The following SLC25A26 variants were observed in gnomAD, a reference collection of about 807,000 sequenced individuals.
The protein encoded by SLC25A26 is mitochondrial S-adenosylmethionine carrier protein.
SLC25A26 carries 36 observed loss-of-function variants against 37.8 expected under a neutral mutation model. The ratio of observed to expected loss-of-function variants is 0.95; its 90% CI spans 0.73 to 1.26. The LOEUF is 1.26. Among genes scored for constraint, SLC25A26 ranks in the 50% most tolerant of loss-of-function variants. The pLI, the probability that SLC25A26 is intolerant of heterozygous loss-of-function variation, is 0.00. For synonymous variants in SLC25A26, 129 were observed against 122.5 expected (o/e 1.05, Z -0.35); for missense variants, 390 against 331.1 (o/e 1.18, Z -1.38).
intron 1 of SLC25A26, among the ~76,000 whole-genome samples, chr3:66,147,515 T>C (rs2070137637): frequency 6.6e-6 from 1 of 151,966 alleles, no homozygotes; most frequent in Non-Finnish European, 1.5e-5. Context: ...TGGTTTTATA[T>C]CTTTGCACTT....
At chr3:66,294,283 G>A (rs1319772618) in intron 5 of SLC25A26, among the ~76,000 whole-genome samples, 1 of 151,940 alleles carries the variant, frequency 6.6e-6, no homozygotes, top group African/African-American at 2.4e-5. Context: ...TCTTTTTGTG[G>A]CAGTTGTGAA....
chr3:66,202,685 T>C (rs1190883296), intron 1 of SLC25A26, among the ~76,000 whole-genome samples: 1 of 129,894 alleles, frequency 7.7e-6, no homozygotes, highest in Non-Finnish European at 1.7e-5. Context: ...CTAATTTCAC[T>C]CCATATGTGA....
chr3:66,150,644 A>G (rs1341712074), intron 1 of SLC25A26, among the ~76,000 whole-genome samples: 1 of 94,378 alleles, frequency 1.1e-5, no homozygotes, highest in African/African-American at 4.3e-5. Flanking sequence ...ATATATATAT[A>G]TATATATATA....
chr3:66,174,828 C>CT (rs1381221253), intron 1 of SLC25A26, among the ~76,000 whole-genome samples: 1 of 150,380 alleles, frequency 6.6e-6, no homozygotes, highest in Non-Finnish European at 1.5e-5. Context: ...AAAAAATGCG[C>CT]TATGAAAAGT....
chr3:66,339,513 A>AT (rs1249497680), intron 5 of SLC25A26, among the ~76,000 whole-genome samples: 1 of 151,470 alleles, frequency 6.6e-6, no homozygotes, highest in Non-Finnish European at 1.5e-5. Flanking sequence ...CAAGGGTTTC[A>AT]TTTTTTTCAT....
intron 1 of SLC25A26, among the ~76,000 whole-genome samples, chr3:66,137,217 CTTTTTTTT>C (rs528438794): frequency 8.4e-6 from 1 of 118,838 alleles, no homozygotes; most frequent in African/African-American, 3.3e-5. Context: ...GATTTTCTTT[CTTTTTTTT>C]TTTTTTTTTT....
At chr3:66,262,219 CTG>C (rs916970911) in intron 4 of SLC25A26, 64 bp downstream of exon 4, 5 of 805,034 alleles carry the variant, frequency 6.2e-6, no homozygotes, top group African/African-American at 1.8e-5. Flanking sequence ...AATACGAACA[CTG>C]TGGATTTCAT....
intron 5 of SLC25A26, among the ~76,000 whole-genome samples, chr3:66,294,344 T>C (rs332348): frequency 0.63 from 95,801 of 151,820 alleles, 30,466 homozygotes; most frequent in East Asian, 0.77. Flanking sequence ...ATAGGAATGC[T>C]AGTGATTTTT....
chr3:66,364,150 A>C (rs2076774706), intron 7 of SLC25A26, among the ~76,000 whole-genome samples: 1 of 152,218 alleles, frequency 6.6e-6, no homozygotes, highest in Admixed American at 6.5e-5. Flanking sequence ...TGTTGAAATA[A>C]GAACATATTC....
At chr3:66,295,728 G>C (rs2074880114) in intron 5 of SLC25A26, among the ~76,000 whole-genome samples, 1 of 151,876 alleles carries the variant, frequency 6.6e-6, no homozygotes, top group Non-Finnish European at 1.5e-5. Flanking sequence ...TTGAACTCCT[G>C]ACCTCGTGAT....
At chr3:66,189,617 G>C (rs2106785427) in intron 1 of SLC25A26, among the ~76,000 whole-genome samples, 1 of 152,140 alleles carries the variant, frequency 6.6e-6, no homozygotes, top group East Asian at 1.9e-4. Context: ...GTGCTTTTGA[G>C]AACTAATTCT....
At chr3:66,376,570 T>C (rs1209304186) in intron 9 of SLC25A26, among the ~76,000 whole-genome samples, 1 of 152,258 alleles carries the variant, frequency 6.6e-6, no homozygotes, top group African/African-American at 2.4e-5. Flanking sequence ...AATTAAGGTA[T>C]GTACAATTTT....
At chr3:66,354,646 A>G (rs2076534924) in intron 6 of SLC25A26, among the ~76,000 whole-genome samples, 1 of 152,230 alleles carries the variant, frequency 6.6e-6, no homozygotes, top group Non-Finnish European at 1.5e-5. Flanking sequence ...TTTTAGTAAT[A>G]TAAACAAGAA....
At chr3:66,298,917 A>G (rs1320073977) in intron 5 of SLC25A26, among the ~76,000 whole-genome samples, 7 of 152,198 alleles carry the variant, frequency 4.6e-5, no homozygotes, top group African/African-American at 1.4e-4. Flanking sequence ...CCAGATCCCA[A>G]GTTACATAGA....
intron 1 of SLC25A26, among the ~76,000 whole-genome samples, chr3:66,174,051 TC>T (rs914631649): frequency 2.5e-4 from 38 of 149,460 alleles, no homozygotes; most frequent in African/African-American, 8.9e-4. Context: ...AGATTCCGTC[TC>T]AAAAAAGAAA....
At chr3:66,175,315 C>T (rs1576612788) in intron 1 of SLC25A26, among the ~76,000 whole-genome samples, 1 of 152,008 alleles carries the variant, frequency 6.6e-6, no homozygotes, top group East Asian at 1.9e-4. Flanking sequence ...ACCTCCATCT[C>T]CCAGGTTCAA....
intron 3 of SLC25A26, among the ~76,000 whole-genome samples, chr3:66,243,628 G>C (rs782442636): frequency 2.0e-5 from 3 of 152,118 alleles, no homozygotes; most frequent in Non-Finnish European, 4.4e-5. Context: ...GTATTGTGTC[G>C]GTACAACTGA....
intron 1 of SLC25A26, among the ~76,000 whole-genome samples, chr3:66,178,307 G>A (rs2070628688): frequency 6.6e-6 from 1 of 152,140 alleles, no homozygotes; most frequent in African/African-American, 2.4e-5. Context: ...AGCCTTCCTG[G>A]CTCATGGAAG....
At chr3:66,246,263 A>G (rs1018720663) in intron 3 of SLC25A26, among the ~76,000 whole-genome samples, 1 of 152,184 alleles carries the variant, frequency 6.6e-6, no homozygotes. Context: ...AGAGCAAGCA[A>G]CAAAAAAAGA....
Sources: allele counts gnomAD v4.1 joint callset (sites outside exome capture counted in the v4.1 genomes callset), GRCh38; gene constraint gnomAD v4.1.1; transcripts MANE v1.5; gene names NCBI Gene and HGNC (gene_info 2026-07-23, HGNC 2026-07-21).